CSNK1G1: variants seen among roughly 807,000 people sequenced by gnomAD.
The protein encoded by CSNK1G1 is casein kinase I isoform gamma-1.
A neutral mutation model predicts 59.6 loss-of-function variants in CSNK1G1; 22 were observed. The observed-to-expected ratio is 0.37, with a 90% CI of 0.26 to 0.53. The LOEUF (loss-of-function observed/expected upper bound fraction) is 0.53. CSNK1G1 is among the 20% of genes least tolerant of loss of function. The probability of loss-of-function intolerance (pLI) is 0.89; values close to 1 mark genes in which losing one functional copy is unlikely to be tolerated. For missense variants in CSNK1G1, 384 were observed against 519.5 expected, an observed-to-expected ratio of 0.74 and a Z score of 2.54; for synonymous variants, 179 against 177.1, an observed-to-expected ratio of 1.01 and a Z score of -0.08.
intron 2 of CSNK1G1, among the ~76,000 whole-genome samples, chr15:64,269,529 T>C (rs1893166136): frequency 1.3e-5 from 2 of 150,378 alleles, no homozygotes. Context: ...AGTCTTGCTC[T>C]GTGGCCCAGG....
intron 3 of CSNK1G1, among the ~76,000 whole-genome samples, chr15:64,258,851 A>G (rs1359383989): frequency 6.6e-6 from 1 of 152,150 alleles, no homozygotes; most frequent in East Asian, 1.9e-4. Flanking sequence ...AAATCAGTTA[A>G]GTTAGAGAAA....
chr15:64,233,874 C>G (rs2082580720), intron 4 of CSNK1G1, among the ~76,000 whole-genome samples: 1 of 152,100 alleles, frequency 6.6e-6, no homozygotes, highest in African/African-American at 2.4e-5. Flanking sequence ...ACAACTCTTC[C>G]TATTTTTTTC....
intron 2 of CSNK1G1, among the ~76,000 whole-genome samples, chr15:64,259,515 CACACACACAT>C (rs1478362239): frequency 2.0e-5 from 3 of 151,156 alleles, no homozygotes; most frequent in African/African-American, 7.4e-5. Context: ...CACACACACA[CACACACACAT>C]GCATGCATAT....
At chr15:64,346,828 TA>T (rs1237979729) in intron 1 of CSNK1G1, among the ~76,000 whole-genome samples, 3 of 152,018 alleles carry the variant, frequency 2.0e-5, no homozygotes, top group African/African-American at 7.2e-5. Context: ...TGGACCTTAT[TA>T]AAAACTTCTG....
rs546901713 is a variant in CSNK1G1, at chr15:64,234,891, A to G, written c.292+16621T>C. On this transcript the variant is annotated intron_variant, in intron 4 of 11. Coordinates refer to ENST00000303052, the MANE Select transcript of CSNK1G1 (RefSeq NM_022048.5). ...GCCAATCTTCTTCTTAGGAATGTGC[A>G]GTTGTGACATAAGGGCTCTACTCAA... 2.6e-5 allele frequency among the ~76,000 whole-genome samples: 4 copies of G among 152,240 alleles called. No individual in the cohort carries two copies. The South Asian group carries it at 6.2e-4, about 24-fold the overall frequency.
chr15:64,218,413 G>A (rs974564839), intron 4 of CSNK1G1, among the ~76,000 whole-genome samples: 2 of 145,372 alleles, frequency 1.4e-5, no homozygotes, highest in African/African-American at 5.1e-5. Context: ...TTTTTTTTTA[G>A]ACAGAGTCTC....
rs185335089 is a variant in CSNK1G1 at position 64,210,278 on chromosome 15, A to G, written c.680-2684T>C. Among the ~76,000 whole-genome samples, 1 of 152,290 alleles carries G rather than the reference A, an allele frequency of 6.6e-6. No homozygotes were observed. The highest frequency in any genetic ancestry group is 2.4e-5 in the African/African-American group (1 of 41,580). On this transcript the variant is annotated intron_variant, in intron 6 of 11. Transcript: ENST00000303052. The surrounding 1 kb of genome is among the most constrained non-coding windows in gnomAD (Gnocchi z 4.2). Reference sequence around the variant, plus strand: ...TCCTCATCTGAAAATAAAGTGTTCAATCTGGGGAGAATTTGAAAAGTCATT... The same window carrying G: ...TCCTCATCTGAAAATAAAGTGTTCAGTCTGGGGAGAATTTGAAAAGTCATT...
intron 1 of CSNK1G1, among the ~76,000 whole-genome samples, chr15:64,347,311 C>G (rs1206469426): frequency 1.3e-5 from 2 of 152,110 alleles, no homozygotes; most frequent in African/African-American, 4.8e-5. Flanking sequence ...CTCAAAAGAG[C>G]TGAAAACTTT....
intron 6 of CSNK1G1, among the ~76,000 whole-genome samples, chr15:64,212,981 G>C (rs1292153293): frequency 1.3e-5 from 2 of 152,172 alleles, no homozygotes; most frequent in African/African-American, 4.8e-5. Flanking sequence ...ACTCCAGCCT[G>C]GGTGATAGAG....
intron 1 of CSNK1G1, among the ~76,000 whole-genome samples, chr15:64,341,726 C>A (rs1897691473): frequency 6.6e-6 from 1 of 152,068 alleles, no homozygotes. Context: ...CCTCCATAAG[C>A]CACCACACTC....
At chr15:64,190,055 C>T (rs1417522943) in intron 10 of CSNK1G1, among the ~76,000 whole-genome samples, 7 of 152,040 alleles carry the variant, frequency 4.6e-5, no homozygotes, top group Admixed American at 1.3e-4. Context: ...CTCCTGACCT[C>T]GTGATCCGCC....
intron 2 of CSNK1G1, among the ~76,000 whole-genome samples, chr15:64,292,268 C>T (rs1894785790): frequency 6.6e-6 from 1 of 150,744 alleles, no homozygotes; most frequent in African/African-American, 2.4e-5. Flanking sequence ...GTAATTCAGA[C>T]AAGGAAAGAA....
chr15:64,295,017 G>C (rs948862795), intron 2 of CSNK1G1, among the ~76,000 whole-genome samples: 3 of 151,786 alleles, frequency 2.0e-5, no homozygotes, highest in Non-Finnish European at 4.4e-5. Flanking sequence ...AGATCACAAG[G>C]TCAGGAGATC....
intron 2 of CSNK1G1, among the ~76,000 whole-genome samples, chr15:64,263,822 CAAAAAAAAA>C (rs869123397): frequency 3.7e-5 from 2 of 53,800 alleles, no homozygotes; most frequent in Non-Finnish European, 6.5e-5. Flanking sequence ...TTTTGTTTAC[CAAAAAAAAA>C]AAAAAAAAAA....
chr15:64,308,262 T>C (rs1008331574), intron 1 of CSNK1G1, among the ~76,000 whole-genome samples: 2 of 152,058 alleles, frequency 1.3e-5, no homozygotes, highest in Non-Finnish European at 2.9e-5. Flanking sequence ...TGTACATTTT[T>C]GTTTATTATA....
intron 1 of CSNK1G1, among the ~76,000 whole-genome samples, chr15:64,351,649 C>T (rs766201048): frequency 2.0e-5 from 3 of 152,160 alleles, no homozygotes; most frequent in East Asian, 1.9e-4. Flanking sequence ...GAGGCTGAGG[C>T]GGGCCAATCA....
chr15:64,242,447 C>G (rs1414144719), intron 4 of CSNK1G1, among the ~76,000 whole-genome samples: 1 of 152,108 alleles, frequency 6.6e-6, no homozygotes, highest in African/African-American at 2.4e-5. Flanking sequence ...TGTGATGTAC[C>G]AGTCCCCACT....
At chr15:64,278,414 GTGTGTA>G (rs1360143735) in intron 2 of CSNK1G1, among the ~76,000 whole-genome samples, 452 of 105,900 alleles carry the variant, frequency 4.3e-3, no homozygotes, top group African/African-American at 6.3e-3. Context: ...GTGTGTGTGT[GTGTGTA>G]TATATATATA....
At chr15:64,211,926 C>A (rs538611732) in intron 6 of CSNK1G1, among the ~76,000 whole-genome samples, 2 of 152,300 alleles carry the variant, frequency 1.3e-5, no homozygotes, top group Non-Finnish European at 2.9e-5. Context: ...AAAACAACTT[C>A]TAGAGTTTGT....
Sources: gnomAD v4.1 joint callset for allele counts (sites outside exome capture counted in the v4.1 genomes callset) on GRCh38, gnomAD v4.1.1 for gene constraint, Gnocchi (gnomAD v3.1) non-coding constraint, MANE v1.5 for transcripts, NCBI Gene and HGNC (gene_info 2026-07-23, HGNC 2026-07-21) for gene names.